The following LMF1 variants were observed in gnomAD, a reference collection of about 807,000 sequenced individuals.
LMF1 encodes the protein lipase maturation factor 1.
LMF1 carries 68 observed loss-of-function variants against 60.6 expected under a neutral mutation model. The observed-to-expected ratio is 1.12, with a 90% confidence interval of 0.92 to 1.37. The LOEUF is 1.37. LMF1 is among the 40% of genes most tolerant of loss of function. The pLI, the probability that LMF1 is intolerant of heterozygous loss-of-function variation, is 0.00. For synonymous variants in LMF1, 418 were observed against 324.7 expected (o/e 1.29, Z -3.09); for missense variants, 948 against 767.2 (o/e 1.24, Z -2.78).
At chr16:855,172 C>A (rs1021424795) in intron 10 of LMF1, 3 of 253,198 alleles carry the variant, frequency 1.2e-5, no homozygotes, top group East Asian at 1.0e-4. Flanking sequence ...GGTTTCGGTC[C>A]ACGGGGCAGT....
At chr16:930,434 G>A (rs1488508446) in intron 3 of LMF1, among the ~76,000 whole-genome samples, 2 of 152,232 alleles carry the variant, frequency 1.3e-5, no homozygotes, top group Admixed American at 6.5e-5. Flanking sequence ...ATGACAGTGC[G>A]CCTGTAGTCC....
chr16:879,086 G>A (rs74975829), intron 6 of LMF1, among the ~76,000 whole-genome samples: 4,111 of 152,180 alleles, frequency 0.027, 178 homozygotes, highest in African/African-American at 0.094. Context: ...GGGCGTTAGG[G>A]GGTACCCGGG....
intron 10 of LMF1, 103 bp from the exon 11 acceptor site, chr16:854,809 C>A (rs1285316595): frequency 1.8e-6 from 2 of 1,096,526 alleles, no homozygotes; most frequent in South Asian, 2.7e-5. Context: ...GGGTCCCCCA[C>A]GGACAGAGGG....
At position 962,298 on chromosome 16, in the gene LMF1, G is replaced by C. The variant is rs115023734; in HGVS notation, c.194-7632C>G. On this transcript the variant is annotated intron_variant, in intron 1 of 10. Coordinates refer to ENST00000262301, the MANE Select transcript of LMF1 (RefSeq NM_022773.4). This position sits in a 1 kb window ranked among gnomAD's most constrained non-coding sequence, Gnocchi z 4.5. The stretch of plus-strand genomic sequence containing the variant: ...CGACCCAGAGGGAAAATAAATGGGC[G>C]TGGGTCCATAGTGACAAAATCAGTG... Among the ~76,000 whole-genome samples the C allele has an allele frequency of 0.018, 2,723 of 151,222 alleles. 113 individuals are homozygous for C. The highest frequency in any genetic ancestry group is 0.06 in the African/African-American group (2,446 of 40,530).
At chr16:886,336 C>T (rs554579558) in intron 5 of LMF1, among the ~76,000 whole-genome samples, 37 of 152,272 alleles carry the variant, frequency 2.4e-4, no homozygotes, top group African/African-American at 8.9e-4. Context: ...CCCCCAGCCA[C>T]GGCTTGTCCC....
chr16:964,255 C>G (rs934667226), intron 1 of LMF1: 2 of 299,754 alleles, frequency 6.7e-6, no homozygotes, highest in East Asian at 1.8e-4. Context: ...GAGATTGCAC[C>G]ACTGCACTGC....
At chr16:887,918 G>A (rs898026497) in intron 5 of LMF1, among the ~76,000 whole-genome samples, 1 of 152,192 alleles carries the variant, frequency 6.6e-6, no homozygotes, top group African/African-American at 2.4e-5. Context: ...GGACACCCTT[G>A]CTCCAGGAGC....
chr16:939,382 G>A (rs960116005), intron 2 of LMF1, among the ~76,000 whole-genome samples: 4 of 152,114 alleles, frequency 2.6e-5, no homozygotes, highest in Non-Finnish European at 5.9e-5. Flanking sequence ...ATATCCCTGC[G>A]CCACAAAGCT....
intron 6 of LMF1, among the ~76,000 whole-genome samples, chr16:877,908 G>A (rs1321818878): frequency 6.6e-6 from 1 of 152,162 alleles, no homozygotes; most frequent in Non-Finnish European, 1.5e-5. Flanking sequence ...GAGGAAGTGT[G>A]ACTTAAAAGG....
chr16:943,937 G>C (rs560866073), intron 2 of LMF1, among the ~76,000 whole-genome samples: 153 of 152,256 alleles, frequency 1.0e-3, no homozygotes, highest in African/African-American at 3.6e-3. Context: ...CATTATGAAA[G>C]ATCATAACAT....
intron 10 of LMF1, among the ~76,000 whole-genome samples, chr16:860,006 T>C (rs2069407002): frequency 6.6e-6 from 1 of 152,046 alleles, no homozygotes; most frequent in Non-Finnish European, 1.5e-5. Flanking sequence ...TTTTTGCTTC[T>C]CTAATGACAG....
At chr16:870,159 C>G (rs150556480) in intron 8 of LMF1, 93 bp from the exon 9 acceptor site, 1 of 1,414,230 alleles carries the variant, frequency 7.1e-7, no homozygotes, top group Non-Finnish European at 9.5e-7. Context: ...ACTGTCCATC[C>G]TGGCCCAGGG....
rs2151701718 is a variant in LMF1, at chr16:871,211, A to C, written c.1028T>G (p.Val343Gly). The C allele has an allele frequency of 6.2e-7, 1 of 1,611,364 alleles. No individual in the cohort carries two copies. Among genetic ancestry groups the C allele is most frequent in the East Asian group, 2.2e-5 (1 of 44,846 alleles). The change falls in exon 7 of 11, where the codon GTT becomes GGT. Residue 343 changes from valine to glycine, a missense_variant. Physicochemically the swap from Val to Gly is moderately radical, Grantham distance 109. Coordinates refer to ENST00000262301, the MANE Select transcript of LMF1 (RefSeq NM_022773.4). ...TCGGATGTCCCTCTGCATCTGCAGA[A>C]CTCGGTCCTTCAGGCTGCCTGGCCC... ...PSGPGSLKDR[V>G]LQMQRDIRGA...
intron 1 of LMF1, chr16:977,125 G>T (rs1379615049): frequency 2.2e-6 from 1 of 453,998 alleles, no homozygotes; most frequent in South Asian, 1.6e-5. Context: ...TCACTGAGTG[G>T]TTTTCCACTG....
chr16:870,095 C>T (rs1219107588), intron 8 of LMF1, 29 bp from the exon 9 acceptor site: 2 of 1,594,206 alleles, frequency 1.3e-6, no homozygotes, highest in Admixed American at 1.7e-5. Flanking sequence ...AGGCCAGGCC[C>T]ACGTCACACA....
At chr16:867,073 G>A (rs1336837884) in intron 10 of LMF1, among the ~76,000 whole-genome samples, 2 of 152,200 alleles carry the variant, frequency 1.3e-5, no homozygotes, top group African/African-American at 2.4e-5. Context: ...GCAGGCCCAC[G>A]GTTAGCCACA....
chr16:915,798 C>T (rs12920286), intron 3 of LMF1, among the ~76,000 whole-genome samples: 42,644 of 151,990 alleles, frequency 0.28, 7,358 homozygotes, highest in African/African-American at 0.47. Flanking sequence ...GTGCCTCAGG[C>T]GGGTGAGATG....
chr16:943,379 A>G (rs1475001636), intron 2 of LMF1, among the ~76,000 whole-genome samples: 2 of 150,584 alleles, frequency 1.3e-5, no homozygotes, highest in African/African-American at 4.9e-5. Flanking sequence ...TCAAAAAAAA[A>G]AAAAAAAAAA....
intron 3 of LMF1, among the ~76,000 whole-genome samples, chr16:912,003 G>C (rs2071137416): frequency 6.6e-6 from 1 of 152,184 alleles, no homozygotes; most frequent in South Asian, 2.1e-4. Context: ...CACCGTGAAT[G>C]TGGCTGCTGG....
Sources: gnomAD v4.1 joint callset for allele counts (sites outside exome capture counted in the v4.1 genomes callset) on GRCh38, gnomAD v4.1.1 for gene constraint, Gnocchi (gnomAD v3.1) non-coding constraint, MANE v1.5 for transcripts, NCBI Gene and HGNC (gene_info 2026-07-23, HGNC 2026-07-21) for gene names.